Variants in SDK1 observed in about 807,000 individuals in gnomAD.
The protein encoded by SDK1 is protein sidekick-1.
SDK1 carries 157 observed loss-of-function variants against 245.5 expected under a neutral mutation model. That is an observed-to-expected ratio of 0.64 (90% CI 0.56 to 0.73). The LOEUF is 0.73. SDK1 is among the 30% of genes least tolerant of loss of function. The pLI is 0.00. For synonymous variants in SDK1, 1,647 were observed against 1,278.5 expected, an observed-to-expected ratio of 1.29 and a Z score of -6.15; for missense variants, 3,583 against 3,002.3, an observed-to-expected ratio of 1.19 and a Z score of -4.52.
intron 1 of SDK1, among the ~76,000 whole-genome samples, chr7:3,568,264 T>A (rs1274148722): frequency 1.3e-5 from 2 of 152,216 alleles, no homozygotes; most frequent in Non-Finnish European, 2.9e-5. Flanking sequence ...TTCATATGCA[T>A]TTAATTGTAG....
At chr7:3,372,774 G>C (rs77910097) in intron 1 of SDK1, among the ~76,000 whole-genome samples, 3,244 of 152,298 alleles carry the variant, frequency 0.021, 113 homozygotes, top group African/African-American at 0.067. Flanking sequence ...CACAGTGTAG[G>C]AGAGCGTGCA....
chr7:3,796,703 A>G (rs538129060), intron 4 of SDK1, among the ~76,000 whole-genome samples: 65 of 152,118 alleles, frequency 4.3e-4, no homozygotes, highest in Middle Eastern at 3.4e-3. Context: ...ATTGTTTTTG[A>G]TTTGTTTCTT....
intron 5 of SDK1, among the ~76,000 whole-genome samples, chr7:3,835,607 C>G (rs1780013338): frequency 6.6e-6 from 1 of 152,186 alleles, no homozygotes; most frequent in Non-Finnish European, 1.5e-5. Flanking sequence ...GAACTCTTAG[C>G]ATAAGTCCCT....
At chr7:3,625,964 G>C (rs1416135997) in intron 2 of SDK1, among the ~76,000 whole-genome samples, 1 of 132,032 alleles carries the variant, frequency 7.6e-6, no homozygotes, top group Non-Finnish European at 1.6e-5. Flanking sequence ...TTTTTTGAGG[G>C]AGAGGGTCTC....
chr7:4,129,458 C>G (rs1008426018), intron 26 of SDK1, among the ~76,000 whole-genome samples: 2 of 151,958 alleles, frequency 1.3e-5, no homozygotes, highest in Admixed American at 1.3e-4. Flanking sequence ...GCAGATGGCC[C>G]AAGGAGGCCA....
intron 43 of SDK1, among the ~76,000 whole-genome samples, chr7:4,244,806 C>T (rs1786745046): frequency 6.6e-6 from 1 of 152,176 alleles, no homozygotes; most frequent in Non-Finnish European, 1.5e-5. Flanking sequence ...TTCCTTGTGG[C>T]CGCATGACTG....
rs1782383182 is a variant in SDK1 at position 4,178,421 on chromosome 7, G to A, written c.4997-64G>A. 5 of 1,207,978 alleles carry A rather than the reference G, an allele frequency of 4.1e-6. No individual in the cohort carries two copies. In the South Asian group the frequency reaches 6.1e-5, roughly 15 times the overall value. The allele number at this position is 1,207,978 out of a possible 1,614,324, so 74.8% of individuals were successfully genotyped here. On this transcript the variant is annotated intron_variant, in intron 34 of 44. Transcript: ENST00000404826. ...CTTGCTTCATTGTGGTTCATAGGGG[G>A]AACTTTGGAGAAAGAGAAGGTGGTC...
intron 2 of SDK1, among the ~76,000 whole-genome samples, chr7:3,623,684 T>C (rs951523098): frequency 2.0e-5 from 3 of 152,228 alleles, no homozygotes; most frequent in African/African-American, 7.2e-5. Flanking sequence ...AGAAAGCATT[T>C]AGTCTAAATT....
intron 1 of SDK1, among the ~76,000 whole-genome samples, chr7:3,593,555 T>C (rs1012784885): frequency 6.6e-6 from 1 of 152,240 alleles, no homozygotes; most frequent in Non-Finnish European, 1.5e-5. Context: ...CCTATTGCCG[T>C]ACTGCATTGA....
chr7:3,366,039 C>CAAA (rs59233768), intron 1 of SDK1, among the ~76,000 whole-genome samples: 2 of 140,242 alleles, frequency 1.4e-5, no homozygotes, highest in African/African-American at 2.7e-5. Flanking sequence ...AATTCTGTCT[C>CAAA]AAAAAAAAAA....
At chr7:3,956,105 T>G (rs1163004332) in intron 7 of SDK1, among the ~76,000 whole-genome samples, 1 of 152,242 alleles carries the variant, frequency 6.6e-6, no homozygotes, top group Non-Finnish European at 1.5e-5. Flanking sequence ...TTTTGTTGGC[T>G]GCAGTCAGGA....
In SDK1 at chr7:3,773,249, T is replaced by C. The variant is rs200334344; in HGVS notation, c.714-48201T>C. Among the ~76,000 whole-genome samples, 6 of 152,312 alleles carry C rather than the reference T, an allele frequency of 3.9e-5. No individual in the cohort carries two copies. In the East Asian group the frequency reaches 1.2e-3, roughly 29 times the overall value. On this transcript the variant is annotated intron_variant, in intron 4 of 44. Coordinates refer to ENST00000404826, the MANE Select transcript of SDK1 (RefSeq NM_152744.4). ...ACTTTTCTTCAATCTTTTTTCTTTC[T>C]ATTCCTGAGAATATTTTCCTTTGCC... is the stretch of plus-strand genomic sequence containing the variant.
intron 25 of SDK1, among the ~76,000 whole-genome samples, chr7:4,120,672 A>T (rs1191147129): frequency 1.6e-5 from 2 of 123,988 alleles, no homozygotes; most frequent in Non-Finnish European, 3.8e-5. Context: ...GCTGGAGTGC[A>T]GTGGCATGAT....
At chr7:3,745,110 A>G in intron 4 of SDK1, among the ~76,000 whole-genome samples, 1 of 152,212 alleles carries the variant, frequency 6.6e-6, no homozygotes, top group East Asian at 1.9e-4. Flanking sequence ...GCTGAATTTA[A>G]TCTTTGGAAT....
intron 22 of SDK1, among the ~76,000 whole-genome samples, chr7:4,088,382 C>T (rs958476978): frequency 1.3e-5 from 2 of 151,998 alleles, no homozygotes; most frequent in East Asian, 3.8e-4. Flanking sequence ...TCTATCATAT[C>T]GAATTGGGAC....
chr7:4,089,257 G>A (rs916118897), intron 22 of SDK1, among the ~76,000 whole-genome samples: 1 of 152,214 alleles, frequency 6.6e-6, no homozygotes, highest in Non-Finnish European at 1.5e-5. Flanking sequence ...TCTGCACAGG[G>A]TGCTCAGTGC....
Position 3,402,491 on chromosome 7 carries a change from G to A in SDK1, c.298+100607G>A, listed in dbSNP as rs916616110. On this transcript the variant is annotated intron_variant, in intron 1 of 44. Coordinates refer to ENST00000404826, the MANE Select transcript of SDK1 (RefSeq NM_152744.4). ...TTATGACTTCCCATCTGTGGTAGGT[G>A]TTTTATTGAAATTATTTGAATGTTA... is the stretch of plus-strand genomic sequence containing the variant. Among the ~76,000 whole-genome samples, 4 of 152,180 alleles carry A rather than the reference G, an allele frequency of 2.6e-5. No individual in the cohort carries two copies. The South Asian group carries it at 8.3e-4, about 31-fold the overall frequency.
At chr7:4,181,248 A>G (rs548448097) in intron 35 of SDK1, among the ~76,000 whole-genome samples, 1 of 152,338 alleles carries the variant, frequency 6.6e-6, no homozygotes, top group South Asian at 2.1e-4. Flanking sequence ...TTTGAGGTTC[A>G]ACCGGGTTGT....
chr7:3,923,758 T>C (rs1411424217), intron 5 of SDK1, among the ~76,000 whole-genome samples: 2 of 152,244 alleles, frequency 1.3e-5, no homozygotes, highest in African/African-American at 4.8e-5. Flanking sequence ...CACGAGGCAT[T>C]TGCAGATTTG....
Sources: gnomAD v4.1 joint callset for allele counts (sites outside exome capture counted in the v4.1 genomes callset) on GRCh38, gnomAD v4.1.1 for gene constraint, MANE v1.5 for transcripts, NCBI Gene and HGNC (gene_info 2026-07-23, HGNC 2026-07-21) for gene names.